The following NEBL variants were observed in gnomAD, a reference collection of about 807,000 sequenced individuals.
NEBL encodes LIM and SH3 protein 2.
A neutral mutation model predicts 140.2 loss-of-function variants in NEBL; 122 were observed. The ratio of observed to expected loss-of-function variants is 0.87; its 90% CI spans 0.75 to 1.01. NEBL has a LOEUF of 1.01. NEBL is among the 50% of genes least tolerant of loss of function. NEBL has a pLI of 0.00. For missense variants in NEBL, 1,365 were observed against 1,231.3 expected (o/e 1.11, Z -1.62); for synonymous variants, 436 against 398.9 (o/e 1.09, Z -1.11).
chr10:21,160,585 G>A (rs893856922), intron 2 of NEBL, among the ~76,000 whole-genome samples: 7 of 139,330 alleles, frequency 5.0e-5, no homozygotes, highest in South Asian at 2.4e-4. Flanking sequence ...AGAGAACTAC[G>A]TCACTGGCAA....
At chr10:20,957,599 T>C (rs1368210492) in intron 4 of NEBL, among the ~76,000 whole-genome samples, 1 of 152,152 alleles carries the variant, frequency 6.6e-6, no homozygotes, top group Non-Finnish European at 1.5e-5. Context: ...AATGGGGTTT[T>C]AGACACTCTC....
At chr10:20,853,297 A>C (rs918495123) in intron 9 of NEBL, among the ~76,000 whole-genome samples, 2 of 152,230 alleles carry the variant, frequency 1.3e-5, no homozygotes, top group African/African-American at 4.8e-5. Context: ...CATATAGACA[A>C]AAAGTTGAAT....
At chr10:21,095,304 C>G (rs1406768581) in intron 2 of NEBL, among the ~76,000 whole-genome samples, 1 of 143,822 alleles carries the variant, frequency 7.0e-6, no homozygotes, top group Non-Finnish European at 1.5e-5. Context: ...AGTGATGGAA[C>G]CAGGGAAATT....
At chr10:20,801,411 A>C (rs1043091433) in intron 26 of NEBL, among the ~76,000 whole-genome samples, 11 of 151,712 alleles carry the variant, frequency 7.3e-5, no homozygotes, top group African/African-American at 2.7e-4. Flanking sequence ...TGGCCAGGCT[A>C]GTCTCGAACT....
intron 4 of NEBL, among the ~76,000 whole-genome samples, chr10:20,934,174 G>C (rs142548743): frequency 6.6e-6 from 1 of 152,070 alleles, no homozygotes. Context: ...ACAGGTCTAC[G>C]GTCAAAACAA....
intron 4 of NEBL, among the ~76,000 whole-genome samples, chr10:20,937,846 C>G (rs1834585888): frequency 6.6e-6 from 1 of 152,142 alleles, no homozygotes; most frequent in African/African-American, 2.4e-5. Context: ...TCATTGCTAG[C>G]ACAGCAGTCT....
chr10:21,160,293 T>C (rs1220139247), intron 2 of NEBL, among the ~76,000 whole-genome samples: 2 of 152,184 alleles, frequency 1.3e-5, no homozygotes, highest in Non-Finnish European at 2.9e-5. Flanking sequence ...TGAGTGCTTT[T>C]TACGGGCCAC....
At chr10:21,231,980 A>G (rs1218072115) in intron 3 of NEBL, among the ~76,000 whole-genome samples, 1 of 152,166 alleles carries the variant, frequency 6.6e-6, no homozygotes, top group Non-Finnish European at 1.5e-5. Flanking sequence ...CATTAGTGTT[A>G]AAATAGGGAT....
At chr10:20,876,435 G>C (rs2131288930) in intron 5 of NEBL, among the ~76,000 whole-genome samples, 1 of 152,086 alleles carries the variant, frequency 6.6e-6, no homozygotes, top group African/African-American at 2.4e-5. Context: ...ATTATTGTAA[G>C]TCTCATCGGG....
chr10:20,821,557 C>A (rs1382779339), intron 19 of NEBL, among the ~76,000 whole-genome samples: 6 of 152,070 alleles, frequency 3.9e-5, no homozygotes, highest in African/African-American at 1.4e-4. Context: ...TGTTTATTTT[C>A]AAATAAAGTT....
chr10:21,274,029 T>A (rs1842889180), intron 1 of NEBL, among the ~76,000 whole-genome samples: 1 of 152,154 alleles, frequency 6.6e-6, no homozygotes, highest in African/African-American at 2.4e-5. Flanking sequence ...ACCAATAGAA[T>A]ATGGCAATGC....
intron 3 of NEBL, among the ~76,000 whole-genome samples, chr10:20,971,575 T>A (rs1319868535): frequency 6.8e-6 from 1 of 147,428 alleles, no homozygotes; most frequent in Non-Finnish European, 1.5e-5. Context: ...TAGGTATATC[T>A]CCCAATGCTA....
chr10:20,815,570 T>C (rs1838642598), intron 22 of NEBL, 55 bp downstream of exon 22: 6 of 1,348,912 alleles, frequency 4.4e-6, no homozygotes, highest in East Asian at 2.3e-5. Context: ...GGACCGCAAG[T>C]AAATAATAAA....
rs569664138 is a variant in NEBL at position 21,075,483 on chromosome 10, A to C, written c.165-55282T>G. On this transcript the variant is annotated intron_variant, in intron 2 of 6. Transcript: ENST00000417816. ...GCAGTGACCTTGGCTGTGATGCTAC[A>C]CCTGATAGCAATGATTTCACATCAC... 6.6e-5 allele frequency among the ~76,000 whole-genome samples: 10 copies of C among 152,276 alleles called. 1 individual carries two copies. The highest frequency in any genetic ancestry group is 2.4e-4 in the African/African-American group (10 of 41,572).
chr10:21,057,481 T>A (rs1274586208), intron 2 of NEBL, among the ~76,000 whole-genome samples: 1 of 148,692 alleles, frequency 6.7e-6, no homozygotes, highest in South Asian at 2.2e-4. Context: ...TACTACAAAC[T>A]AGTTTTCAAA....
chr10:21,001,318 G>T (rs1837888146), intron 3 of NEBL, among the ~76,000 whole-genome samples: 1 of 152,156 alleles, frequency 6.6e-6, no homozygotes, highest in Non-Finnish European at 1.5e-5. Flanking sequence ...ACATTCCCTG[G>T]GACAAGCTGG....
At chr10:20,930,065 T>A (rs902526513) in intron 4 of NEBL, among the ~76,000 whole-genome samples, 1 of 152,166 alleles carries the variant, frequency 6.6e-6, no homozygotes, top group Non-Finnish European at 1.5e-5. Context: ...CTCACATTTA[T>A]GCCTCTTCTC....
intron 2 of NEBL, among the ~76,000 whole-genome samples, chr10:21,095,054 A>T (rs1045365234): frequency 3.3e-5 from 5 of 152,216 alleles, no homozygotes; most frequent in African/African-American, 1.2e-4. Flanking sequence ...AACCACCTGC[A>T]TCCCATTGAG....
intron 12 of NEBL, among the ~76,000 whole-genome samples, chr10:20,843,807 C>T (rs575537070): frequency 1.3e-5 from 2 of 152,182 alleles, no homozygotes; most frequent in East Asian, 3.9e-4. Context: ...TCACCTCAAA[C>T]ATGTATCATT....
Sources: allele counts gnomAD v4.1 joint callset (sites outside exome capture counted in the v4.1 genomes callset), GRCh38; gene constraint gnomAD v4.1.1; transcripts MANE v1.5; gene names NCBI Gene and HGNC (gene_info 2026-07-23, HGNC 2026-07-21).